RBFOX1: variants seen among roughly 807,000 people sequenced by gnomAD.
RBFOX1 encodes the protein RNA binding protein fox-1 homolog 1.
Under a neutral mutation model 57.7 loss-of-function variants are expected in RBFOX1, and 8 were observed. The ratio of observed to expected loss-of-function variants is 0.14; its 90% CI spans 0.08 to 0.25. RBFOX1 has a LOEUF of 0.25. Ranked by LOEUF, RBFOX1 falls within the 10% of genes least tolerant of loss-of-function variation. The probability of loss-of-function intolerance (pLI) is 1.00; values close to 1 mark genes in which losing one functional copy is unlikely to be tolerated. For missense variants in RBFOX1, 611 were observed against 548.5 expected (o/e 1.11, Z -1.14); for synonymous variants, 326 against 222.4 (o/e 1.47, Z -4.15).
At chr16:6,800,563 C>T (rs907757747) in intron 3 of RBFOX1, among the ~76,000 whole-genome samples, 2 of 152,068 alleles carry the variant, frequency 1.3e-5, no homozygotes, top group African/African-American at 4.8e-5. Context: ...TAACAAGCTT[C>T]TAGAGGGCCC....
At chr16:5,908,487 G>C (rs1170268774) in intron 4 of RBFOX1, among the ~76,000 whole-genome samples, 1 of 151,642 alleles carries the variant, frequency 6.6e-6, no homozygotes, top group Non-Finnish European at 1.5e-5. Flanking sequence ...CAAGTAGCAG[G>C]GATTACAGGT....
chr16:7,170,042 C>G (rs1383014584), intron 4 of RBFOX1, among the ~76,000 whole-genome samples: 1 of 152,074 alleles, frequency 6.6e-6, no homozygotes, highest in Non-Finnish European at 1.5e-5. Flanking sequence ...CCAATGCACT[C>G]TAGCCTAGGT....
intron 2 of RBFOX1, among the ~76,000 whole-genome samples, chr16:6,370,544 C>G (rs987770856): frequency 1.3e-5 from 2 of 152,040 alleles, no homozygotes; most frequent in Non-Finnish European, 2.9e-5. Flanking sequence ...ACAACATGGA[C>G]AAACCTTGAA....
chr16:7,628,651 C>T (rs891264925), intron 10 of RBFOX1, among the ~76,000 whole-genome samples: 4 of 152,046 alleles, frequency 2.6e-5, no homozygotes, highest in African/African-American at 2.4e-5. Flanking sequence ...TTGCTCTTGT[C>T]ACCCAGGCTG....
chr16:6,785,672 A>G (rs1041876026), intron 3 of RBFOX1, among the ~76,000 whole-genome samples: 4 of 152,222 alleles, frequency 2.6e-5, no homozygotes, highest in Non-Finnish European at 5.9e-5. Context: ...CGTTCCATGT[A>G]CCATGTTCCA....
intron 1 of RBFOX1, among the ~76,000 whole-genome samples, chr16:5,406,703 C>G (rs1471424857): frequency 6.6e-6 from 1 of 151,964 alleles, no homozygotes; most frequent in Non-Finnish European, 1.5e-5. Flanking sequence ...CTGGAGAACC[C>G]TAATATATCC....
In RBFOX1 at chr16:5,252,135, G is replaced by C. The variant is rs2062468146; in HGVS notation, c.219+12030G>C. 3.9e-5 allele frequency among the ~76,000 whole-genome samples: 6 copies of C among 152,190 alleles called. No homozygotes were observed. The South Asian group carries it at 1.2e-3, about 32-fold the overall frequency. On this transcript the variant is annotated intron_variant, in intron 1 of 2. Coordinates refer to the RBFOX1 transcript ENST00000585867. ...TGACCCTCTGTTTACTCTGAGCCCAGACAGAGGACAGGGAAGTGTGGAAGG... is the reference window on the plus strand; with the variant it reads ...TGACCCTCTGTTTACTCTGAGCCCACACAGAGGACAGGGAAGTGTGGAAGG...
intron 1 of RBFOX1, among the ~76,000 whole-genome samples, chr16:5,256,422 G>A (rs1335243570): frequency 1.3e-5 from 2 of 152,222 alleles, no homozygotes; most frequent in Non-Finnish European, 2.9e-5. Context: ...TCCTCTGTGT[G>A]TCTGCAAAGC....
chr16:5,372,226 G>A (rs529705467), intron 1 of RBFOX1, among the ~76,000 whole-genome samples: 15 of 152,148 alleles, frequency 9.9e-5, no homozygotes, highest in East Asian at 3.9e-4. Flanking sequence ...GTTCTGTCTC[G>A]GAAGGGTTTC....
intron 4 of RBFOX1, among the ~76,000 whole-genome samples, chr16:5,968,130 A>G (rs2059886989): frequency 1.3e-5 from 2 of 152,152 alleles, no homozygotes; most frequent in South Asian, 4.1e-4. Flanking sequence ...GCTGGAGTGC[A>G]GCGGTGCAAT....
chr16:6,894,208 C>A (rs564628122), intron 3 of RBFOX1, among the ~76,000 whole-genome samples: 1 of 152,286 alleles, frequency 6.6e-6, no homozygotes, highest in Non-Finnish European at 1.5e-5. Context: ...AGCTTCACTT[C>A]CATCACTTCT....
chr16:5,868,017 T>G lies in RBFOX1; in HGVS notation c.351+682T>G, dbSNP rs182870076. On this transcript the variant is annotated intron_variant, in intron 4 of 19. Coordinates refer to the RBFOX1 transcript ENST00000641259. ...GTGAGCCACCATGCCCAGCCTGTTTTTCTTTCTCTACTCAGTCTCCAAGGC... is the reference window on the plus strand; with the variant it reads ...GTGAGCCACCATGCCCAGCCTGTTTGTCTTTCTCTACTCAGTCTCCAAGGC... 9.3e-4 allele frequency among the ~76,000 whole-genome samples: 141 copies of G among 151,720 alleles called. 1 individual carries two copies. The highest frequency in any genetic ancestry group is 6.8e-3 in the Middle Eastern group (2 of 294).
intron 3 of RBFOX1, among the ~76,000 whole-genome samples, chr16:6,927,320 C>G (rs370849857): frequency 2.1e-5 from 3 of 144,690 alleles, no homozygotes; most frequent in South Asian, 2.2e-4. Context: ...GGTTGAGGCA[C>G]GAGAATCGCT....
intron 4 of RBFOX1, among the ~76,000 whole-genome samples, chr16:7,361,599 A>G (rs554755224): frequency 2.0e-5 from 3 of 152,308 alleles, no homozygotes; most frequent in African/African-American, 7.2e-5. Context: ...GTTTCTACTT[A>G]TAGGGATAAC....
intron 2 of RBFOX1, among the ~76,000 whole-genome samples, chr16:5,504,556 G>T (rs1390291086): frequency 1.3e-5 from 2 of 152,230 alleles, no homozygotes; most frequent in African/African-American, 4.8e-5. Context: ...CCACGCGCCT[G>T]GTGGGTTGGA....
chr16:6,574,385 C>T (rs992996370), intron 2 of RBFOX1, among the ~76,000 whole-genome samples: 10 of 146,722 alleles, frequency 6.8e-5, no homozygotes, highest in South Asian at 4.4e-4. Context: ...GAGGAGGGGG[C>T]GGAACTCGGT....
intron 4 of RBFOX1, among the ~76,000 whole-genome samples, chr16:7,430,907 G>C (rs745778165): frequency 6.6e-6 from 1 of 152,218 alleles, no homozygotes; most frequent in African/African-American, 2.4e-5. Context: ...AAAAGAACCA[G>C]ACGTAGGGAT....
intron 4 of RBFOX1, among the ~76,000 whole-genome samples, chr16:7,442,314 G>T (rs925908850): frequency 6.6e-6 from 1 of 152,138 alleles, no homozygotes; most frequent in African/African-American, 2.4e-5. Context: ...TCCAGCAGCA[G>T]TCCGTCTCCC....
rs1023285299 is a variant in RBFOX1 at position 7,558,930 on chromosome 16, A to T, written c.271-20847A>T. Among the ~76,000 whole-genome samples, 6 of 152,146 alleles carry T rather than the reference A, an allele frequency of 3.9e-5. No homozygotes were observed. The East Asian group carries it at 1.2e-3, about 29-fold the overall frequency. On this transcript the variant is annotated intron_variant, in intron 5 of 15. Transcript: ENST00000550418. ...GCTAGTGGGCATTTATGCTAAATGA[A>T]CCCCACTGTTACTCTTTTGAAGATT...
Sources: allele counts gnomAD v4.1 joint callset (sites outside exome capture counted in the v4.1 genomes callset), GRCh38; gene constraint gnomAD v4.1.1; transcripts MANE v1.5; gene names NCBI Gene and HGNC (gene_info 2026-07-23, HGNC 2026-07-21).